Variants in STK3 observed in about 807,000 individuals in gnomAD.
STK3 encodes the protein serine/threonine-protein kinase 3.
In STK3, 41 loss-of-function variants were observed where a neutral mutation model predicts 58.0. That is an observed-to-expected ratio of 0.71 (90% CI 0.55 to 0.92). STK3 has a LOEUF of 0.92. Ranked by LOEUF, STK3 falls within the 40% of genes least tolerant of loss-of-function variation. STK3 has a pLI of 0.00. For missense variants in STK3, 479 were observed against 602.7 expected (o/e 0.79, Z 2.15); for synonymous variants, 170 against 191.0 (o/e 0.89, Z 0.91).
intron 7 of STK3, chr8:98,595,127 T>A (rs962048735): frequency 2.0e-5 from 3 of 152,192 alleles, no homozygotes; most frequent in African/African-American, 7.2e-5. Context: ...AACTGTTGGA[T>A]CAAAGAATAT....
At chr8:98,665,360 T>C (rs529008814) in intron 6 of STK3, among the ~76,000 whole-genome samples, 6 of 152,292 alleles carry the variant, frequency 3.9e-5, no homozygotes, top group South Asian at 2.1e-4. Flanking sequence ...TGTATCCCCA[T>C]TGAAGTAGCT....
At chr8:98,859,185 G>C (rs1244166214) in intron 3 of STK3, among the ~76,000 whole-genome samples, 4 of 152,162 alleles carry the variant, frequency 2.6e-5, no homozygotes, top group African/African-American at 4.8e-5. Flanking sequence ...TTAACATCAA[G>C]GTAGTAGGGC....
chr8:98,847,029 T>C (rs911138781), intron 3 of STK3, among the ~76,000 whole-genome samples: 2 of 152,246 alleles, frequency 1.3e-5, no homozygotes, highest in Admixed American at 1.3e-4. Flanking sequence ...CCCAGAATTT[T>C]AGGTCTAGAT....
intron 10 of STK3, among the ~76,000 whole-genome samples, chr8:98,518,864 C>A (rs1429372444): frequency 6.6e-6 from 1 of 152,082 alleles, no homozygotes; most frequent in Non-Finnish European, 1.5e-5. Context: ...AGTGAAAGCA[C>A]AATATGCCAC....
chr8:98,817,258 A>T (rs1284542800), intron 1 of STK3, among the ~76,000 whole-genome samples: 2 of 152,166 alleles, frequency 1.3e-5, no homozygotes, highest in Non-Finnish European at 2.9e-5. Flanking sequence ...GTTCGAGACC[A>T]GACAGGCCAA....
At chr8:98,387,602 G>C (rs1484783442) in intron 1 of STK3, among the ~76,000 whole-genome samples, 1 of 152,104 alleles carries the variant, frequency 6.6e-6, no homozygotes, top group Non-Finnish European at 1.5e-5. Context: ...TACAAAATTA[G>C]CCAGGCATGA....
At chr8:98,424,149 A>T (rs995038516) in intron 3 of STK3, among the ~76,000 whole-genome samples, 1 of 152,248 alleles carries the variant, frequency 6.6e-6, no homozygotes, top group Non-Finnish European at 1.5e-5. Context: ...TGCCTGTCAC[A>T]TACACTTAAC....
At chr8:98,736,845 A>T (rs1158411047) in intron 4 of STK3, among the ~76,000 whole-genome samples, 1 of 152,194 alleles carries the variant, frequency 6.6e-6, no homozygotes, top group Non-Finnish European at 1.5e-5. Context: ...AAATATGTAC[A>T]AATAGAATAT....
chr8:98,583,176 T>C (rs920001986), intron 7 of STK3, among the ~76,000 whole-genome samples: 1 of 152,168 alleles, frequency 6.6e-6, no homozygotes, highest in Non-Finnish European at 1.5e-5. Context: ...ATTTCACTTT[T>C]TACATTACTA....
chr8:98,347,861 A>G, the STK3 span, among the ~76,000 whole-genome samples: 2 of 152,212 alleles, frequency 1.3e-5, no homozygotes, highest in Admixed American at 6.5e-5. Context: ...GATTCATCAC[A>G]ATTCAAAAAA....
chr8:98,709,160 G>A (rs1185331606), intron 4 of STK3, among the ~76,000 whole-genome samples: 1 of 152,010 alleles, frequency 6.6e-6, no homozygotes, highest in South Asian at 2.1e-4. Flanking sequence ...TAAGCAACGG[G>A]ATAATTTGAT....
intron 10 of STK3, among the ~76,000 whole-genome samples, chr8:98,483,906 G>A (rs549925596): frequency 2.0e-5 from 3 of 152,262 alleles, no homozygotes; most frequent in Admixed American, 2.0e-4. Context: ...ACAGAACACA[G>A]GAGTGTGTTT....
At chr8:98,764,693 G>A (rs1301448264) in intron 3 of STK3, among the ~76,000 whole-genome samples, 2 of 152,198 alleles carry the variant, frequency 1.3e-5, no homozygotes, top group Admixed American at 1.3e-4. Flanking sequence ...TTAAATAGAA[G>A]TACTCATTAG....
rs562466707 is a variant in STK3 at position 98,769,640 on chromosome 8, A to G, written c.108-2269T>C. On this transcript the variant is annotated intron_variant, in intron 2 of 10. Coordinates refer to ENST00000419617, the MANE Select transcript of STK3 (RefSeq NM_006281.4). ...GACTTCAATACAAGTAACAAATAGT[A>G]TACTGATGGTCTATGGCATTCAGTG... 2.6e-5 allele frequency among the ~76,000 whole-genome samples: 4 copies of G among 152,382 alleles called. No individual in the cohort carries two copies. The East Asian group carries it at 5.8e-4, about 22-fold the overall frequency.
chr8:98,857,916 G>A (rs892397651), intron 3 of STK3, among the ~76,000 whole-genome samples: 1 of 151,656 alleles, frequency 6.6e-6, no homozygotes, highest in Non-Finnish European at 1.5e-5. Flanking sequence ...AAGCAAAACT[G>A]GAGAAAGGAG....
intron 1 of STK3, among the ~76,000 whole-genome samples, chr8:98,914,506 TCTC>T (rs1350267797): frequency 6.6e-6 from 1 of 152,028 alleles, no homozygotes; most frequent in African/African-American, 2.4e-5. Flanking sequence ...TCTCTCTCTC[TCTC>T]TTCACTCTTA....
At chr8:98,861,076 A>G (rs1191977361) in intron 3 of STK3, among the ~76,000 whole-genome samples, 1 of 152,044 alleles carries the variant, frequency 6.6e-6, no homozygotes, top group African/African-American at 2.4e-5. Flanking sequence ...AAAAGAAAAA[A>G]TCTGGACACT....
chr8:98,669,652 C>T (rs1822663717), intron 6 of STK3, among the ~76,000 whole-genome samples: 1 of 152,022 alleles, frequency 6.6e-6, no homozygotes, highest in African/African-American at 2.4e-5. Context: ...AAGGAAGTAT[C>T]CCAAAAAAAA....
At chr8:98,495,630 G>C (rs1212696326) in intron 10 of STK3, among the ~76,000 whole-genome samples, 1 of 152,136 alleles carries the variant, frequency 6.6e-6, no homozygotes, top group Non-Finnish European at 1.5e-5. Flanking sequence ...AGGTGGCCTT[G>C]AACTTAATCT....
Sources: gnomAD v4.1 joint callset for allele counts (sites outside exome capture counted in the v4.1 genomes callset) on GRCh38, gnomAD v4.1.1 for gene constraint, MANE v1.5 for transcripts, NCBI Gene and HGNC (gene_info 2026-07-23, HGNC 2026-07-21) for gene names.